Variants in DOC2B observed in about 807,000 individuals in gnomAD.
DOC2B encodes the protein double C2 domain beta, also known as double C2-like domain-containing protein beta.
Under a neutral mutation model 28.9 loss-of-function variants are expected in DOC2B, and 21 were observed. That is an observed-to-expected ratio of 0.73 (90% CI 0.52 to 1.05). DOC2B has a LOEUF of 1.05. Ranked by LOEUF, DOC2B falls within the 50% of genes least tolerant of loss-of-function variation. The pLI, the probability that DOC2B is intolerant of heterozygous loss-of-function variation, is 0.00. For missense variants in DOC2B, 384 were observed against 421.1 expected (o/e 0.91, Z 0.77); for synonymous variants, 194 against 178.1 (o/e 1.09, Z -0.71).
At chr17:176,797 G>A (rs1451590789) in intron 1 of DOC2B, among the ~76,000 whole-genome samples, 1 of 152,108 alleles carries the variant, frequency 6.6e-6, no homozygotes, top group Non-Finnish European at 1.5e-5. Flanking sequence ...TTACATCTTC[G>A]GAAAAATAAT....
chr17:155,873 C>A, intron 6 of DOC2B: 1 of 303,658 alleles, frequency 3.3e-6, no homozygotes, highest in Non-Finnish European at 6.1e-6. Context: ...CCCCAGCCTC[C>A]TGGCTACCCC....
Position 149,209 on chromosome 17 carries a change from CG to C in DOC2B, c.924-18del. ...CTCAGGTATCTGGAATTACATCCAACGGACAGGCAGAGGATGGGGACATGCT... is the reference window on the plus strand; with the variant it reads ...CTCAGGTATCTGGAATTACATCCAACGACAGGCAGAGGATGGGGACATGCT... On this transcript the variant is annotated intron_variant, in intron 6 of 8. Transcript: ENST00000613549. 2.5e-6 allele frequency: 1 copy of C among 399,698 alleles called. No homozygotes were observed. Among genetic ancestry groups the C allele is most frequent in the Non-Finnish European group, 4.4e-6 (1 of 226,228 alleles). The allele number at this position is 399,698 out of a possible 1,614,324, so 24.8% of individuals were successfully genotyped here.
intron 6 of DOC2B, among the ~76,000 whole-genome samples, chr17:152,753 AGAGT>A (rs911411406): frequency 1.3e-5 from 2 of 152,184 alleles, no homozygotes; most frequent in Non-Finnish European, 2.9e-5. Context: ...GCCCGGTGAC[AGAGT>A]GAGTCACTGT....
rs1044677853 is a variant in DOC2B, at chr17:143,038, G to C, written c.*4403C>G. The C allele has an allele frequency of 3.3e-5, 5 of 152,148 alleles. No individual in the cohort carries two copies. In the East Asian group the frequency reaches 9.6e-4, roughly 29 times the overall value. The allele number at this position is 152,148 out of a possible 1,614,324, so 9.4% of individuals were successfully genotyped here. A position where few individuals can be genotyped will look rare whatever the true frequency, so the allele number is the denominator to read the frequency against. On this transcript the variant is annotated 3_prime_UTR_variant, in exon 9 of 9. Coordinates refer to ENST00000613549, the MANE Select transcript of DOC2B (RefSeq NM_003585.5). ...GTAAGACTCTTGGAGCCTCAGACGG[G>C]CTGGCGTTAGTCAATACTCCACGGC...
chr17:161,445 G>A lies in DOC2B; in HGVS notation c.735C>T (p.Thr245=). 1 of 1,551,714 alleles carries A rather than the reference G, an allele frequency of 6.4e-7. No individual in the cohort carries two copies. The highest frequency in any genetic ancestry group is 8.7e-7 in the Non-Finnish European group (1 of 1,146,980). ...LKKLKPNHTK[T]FSICLEKQLP... is the part of the protein sequence containing the mutation. ...GCTGCTTCTCCAGGCAGATGCTGAA[G>A]GTCTTGGTGTGGTTGGGTTTCAGCT... The change falls in exon 5 of 9, where the codon ACC becomes ACT. Residue 245 remains threonine (T), a synonymous_variant. Transcript: ENST00000613549.
intron 2 of DOC2B, 80 bp from the exon 3 acceptor site, chr17:164,284 T>A: frequency 8.8e-7 from 1 of 1,130,320 alleles, no homozygotes; most frequent in Non-Finnish European, 1.3e-6. Context: ...CCTTGTCCCC[T>A]GGGTCTCCTG....
At chr17:155,477 G>A (rs1168682195) in intron 6 of DOC2B, among the ~76,000 whole-genome samples, 10 of 152,082 alleles carry the variant, frequency 6.6e-5, no homozygotes, top group Non-Finnish European at 1.3e-4. Context: ...TGAAGCACCT[G>A]CCCCTCCTTT....
intron 6 of DOC2B, 188 bp downstream of exon 6, chr17:156,032 C>T (rs1468528760): frequency 3.2e-6 from 2 of 616,186 alleles, no homozygotes; most frequent in Non-Finnish European, 5.5e-6. Context: ...CCTCAGTTTC[C>T]CCATCTGTGA....
chr17:146,974 G>A lies in DOC2B; in HGVS notation c.*467C>T, dbSNP rs1027363309. ...CCGCTTCTTCCATCTGTCCAGCAGC[G>A]AAGGAGATGAGGGATGCAGTTAGGC... On this transcript the variant is annotated 3_prime_UTR_variant, in exon 9 of 9. Transcript: ENST00000613549. 16 of 155,908 alleles carry A rather than the reference G, an allele frequency of 1.0e-4. No individual in the cohort carries two copies. Among genetic ancestry groups the A allele is most frequent in the Non-Finnish European group, 2.1e-4 (15 of 70,724 alleles). The allele number at this position is 155,908 out of a possible 1,614,324, so 9.7% of individuals were successfully genotyped here.
intron 6 of DOC2B, among the ~76,000 whole-genome samples, chr17:152,432 G>A (rs1200365257): frequency 1.3e-5 from 2 of 152,136 alleles, no homozygotes; most frequent in African/African-American, 4.8e-5. Context: ...CTTCCGGCCT[G>A]GGGAAACTGG....
chr17:156,527 C>A, intron 5 of DOC2B, 150 bp from the exon 6 acceptor site: 4 of 808,042 alleles, frequency 5.0e-6, no homozygotes, highest in Non-Finnish European at 7.7e-6. Flanking sequence ...AACTCACAGC[C>A]CTTCTGTCAT....
intron 6 of DOC2B, 54 bp downstream of exon 6, chr17:156,166 C>G: frequency 1.3e-6 from 2 of 1,495,184 alleles, no homozygotes; most frequent in Non-Finnish European, 1.8e-6. Flanking sequence ...GCACACGGAC[C>G]CCCGTCCTTG....
intron 4 of DOC2B, 67 bp from the exon 5 acceptor site, chr17:161,608 G>C: frequency 6.5e-7 from 1 of 1,542,068 alleles, no homozygotes; most frequent in Non-Finnish European, 8.8e-7. Flanking sequence ...GGAGGTGTGC[G>C]CAGGTAGGGC....
intron 6 of DOC2B, among the ~76,000 whole-genome samples, chr17:152,426 C>T (rs761448046): frequency 9.9e-5 from 15 of 152,142 alleles, no homozygotes; most frequent in Non-Finnish European, 1.0e-4. Flanking sequence ...GGTCAACTTC[C>T]GGCCTGGGGA....
rs148824337 is a variant in DOC2B, at chr17:160,780, T to C, written c.765+635A>G. ...ACCAAGACTCAGAGGGCGTAGCTGC[T>C]GGAGCAGGCCGAGGGCAAATCTGTT... On this transcript the variant is annotated intron_variant, in intron 5 of 8. Coordinates refer to ENST00000613549, the MANE Select transcript of DOC2B (RefSeq NM_003585.5). Among the ~76,000 whole-genome samples, 158 of 152,278 alleles carry C rather than the reference T, an allele frequency of 1.0e-3. 1 individual carries two copies. Among genetic ancestry groups the C allele is most frequent in the African/African-American group, 3.5e-3 (147 of 41,554 alleles).
Position 181,409 on chromosome 17 carries a change from G to A in DOC2B, c.71C>T (p.Pro24Leu). ...IQEHMAIDVC[P>L]GPIRPIKQIS... ...CTGCTTGATGGGACGGATGGGGCCGGGGCACACGTCGATGGCCATATGCTC... is the reference window on the plus strand; with the variant it reads ...CTGCTTGATGGGACGGATGGGGCCGAGGCACACGTCGATGGCCATATGCTC... The change falls in exon 1 of 9, where the codon CCC becomes CTC. Residue 24 changes from proline to leucine, a missense_variant. Transcript: ENST00000613549. The surrounding 1 kb of genome is among the most constrained non-coding windows in gnomAD (Gnocchi z 7.0). The A allele has an allele frequency of 4.2e-6, 5 of 1,189,034 alleles. No homozygotes were observed. Among genetic ancestry groups the A allele is most frequent in the South Asian group, 4.4e-5 (2 of 44,956 alleles). 73.7% of individuals were successfully genotyped at this position (1,189,034 alleles called of 1,614,324 possible). A position where few individuals can be genotyped will look rare whatever the true frequency, so the allele number is the denominator to read the frequency against.
Position 181,346 on chromosome 17 carries a change from G to C in DOC2B, c.134C>G (p.Pro45Arg). 1.8e-6 allele frequency: 2 copies of C among 1,131,166 alleles called. No homozygotes were observed. Among genetic ancestry groups the C allele is most frequent in the Non-Finnish European group, 2.2e-6 (2 of 923,954 alleles). The allele number at this position is 1,131,166 out of a possible 1,614,324, so 70.1% of individuals were successfully genotyped here. The change falls in exon 1 of 9, where the codon CCC becomes CGC. Residue 45 changes from proline (P) to arginine (R), a missense_variant. Transcript: ENST00000613549. The surrounding 1 kb of genome is among the most constrained non-coding windows in gnomAD (Gnocchi z 7.0). Reference protein sequence around the residue: ...DYFPRFPRGLPPDAGPRAAAP... With the variant: ...DYFPRFPRGLRPDAGPRAAAP... ...AGCGGCTCGGGGCCCGGCGTCCGGG[G>C]GCAGGCCCCGCGGGAAGCGGGGGAA...
chr17:181,528 C>T lies in DOC2B; in HGVS notation c.-49G>A. ...GGCGCGGCCCGGCCCGGCGCGACCCCGGCCCGGGGGCGGCTCAGCAGGCCC... is the reference window on the plus strand; with the variant it reads ...GGCGCGGCCCGGCCCGGCGCGACCCTGGCCCGGGGGCGGCTCAGCAGGCCC... On this transcript the variant is annotated 5_prime_UTR_variant, in exon 1 of 9. Transcript: ENST00000613549. This position sits in a 1 kb window ranked among gnomAD's most constrained non-coding sequence, Gnocchi z 7.0. The T allele has an allele frequency of 1.0e-6, 1 of 965,772 alleles. No individual in the cohort carries two copies. The highest frequency in any genetic ancestry group is 1.2e-6 in the Non-Finnish European group (1 of 814,178). The allele number at this position is 965,772 out of a possible 1,614,324, so 59.8% of individuals were successfully genotyped here.
chr17:153,057 C>T (rs762619513), intron 6 of DOC2B, among the ~76,000 whole-genome samples: 4 of 152,282 alleles, frequency 2.6e-5, no homozygotes, highest in Middle Eastern at 3.4e-3. Flanking sequence ...CAGCAGCCGT[C>T]GTGTCTCACC....
Sources: allele counts gnomAD v4.1 joint callset (sites outside exome capture counted in the v4.1 genomes callset), GRCh38; gene constraint gnomAD v4.1.1; non-coding constraint Gnocchi (gnomAD v3.1); transcripts MANE v1.5; gene names NCBI Gene and HGNC (gene_info 2026-07-23, HGNC 2026-07-21).